MFAP5: variants seen among roughly 807,000 people sequenced by gnomAD.
The protein encoded by MFAP5 is microfibrillar-associated protein 5.
A neutral mutation model predicts 30.1 loss-of-function variants in MFAP5; 19 were observed. That is an observed-to-expected ratio of 0.63 (90% CI 0.44 to 0.93). The LOEUF is 0.93. Ranked by LOEUF, MFAP5 falls within the 40% of genes least tolerant of loss-of-function variation. The probability of loss-of-function intolerance (pLI) is 0.00; values close to 1 mark genes in which losing one functional copy is unlikely to be tolerated. For synonymous variants in MFAP5, 92 were observed against 72.9 expected (o/e 1.26, Z -1.33); for missense variants, 210 against 221.3 (o/e 0.95, Z 0.32).
At position 8,650,542 on chromosome 12, in the gene MFAP5, G is replaced by T. The variant is rs376156013; in HGVS notation, c.295C>A (p.Arg99=). The T allele has an allele frequency of 6.2e-7, 1 of 1,613,952 alleles. No individual in the cohort carries two copies. Among genetic ancestry groups the T allele is most frequent in the Non-Finnish European group, 8.5e-7 (1 of 1,180,016 alleles). The part of the protein sequence containing the change: ...FTCTRLYSVH[R]PVKQCIHQLC... ...TGATGAATGCATTGTTTAACCGGCC[G>T]ATGCACAGAGTAGAGCCTTGTGCAG... is the stretch of plus-strand genomic sequence containing the variant. The change falls in exon 8 of 10, where the codon CGG becomes AGG. Residue 99 remains arginine (R), a synonymous_variant. Transcript: ENST00000359478.
At chr12:8,656,695 C>T (rs1404387188) in intron 3 of MFAP5, among the ~76,000 whole-genome samples, 1 of 142,672 alleles carries the variant, frequency 7.0e-6, no homozygotes, top group Non-Finnish European at 1.5e-5. Context: ...CAGAGTCTGG[C>T]TCTGTCTGTC....
At position 8,660,910 on chromosome 12, in the gene MFAP5, G is replaced by C. The variant is rs1420460442; in HGVS notation, c.59-12C>G. ...CAGGGGTATCCAGTCTATAGCAAAGGAAGAGAAAAGAGATGTGAGTGACTG... is the reference window on the plus strand; with the variant it reads ...CAGGGGTATCCAGTCTATAGCAAAGCAAGAGAAAAGAGATGTGAGTGACTG... On this transcript the variant is annotated splice_polypyrimidine_tract_variant and intron_variant, in intron 2 of 9. Transcript: ENST00000359478. 6.2e-7 allele frequency: 1 copy of C among 1,608,298 alleles called. No homozygotes were observed. Among genetic ancestry groups the C allele is most frequent in the Non-Finnish European group, 8.5e-7 (1 of 1,175,494 alleles).
At chr12:8,649,892 T>C (rs2136460487) in intron 8 of MFAP5, among the ~76,000 whole-genome samples, 1 of 152,314 alleles carries the variant, frequency 6.6e-6, no homozygotes, top group East Asian at 1.9e-4. Context: ...CCAAGCAGTG[T>C]ACACCGTACC....
intron 3 of MFAP5, 39 bp downstream of exon 3, chr12:8,660,824 A>G (rs761664563): frequency 6.3e-7 from 1 of 1,578,900 alleles, no homozygotes; most frequent in Admixed American, 1.8e-5. Flanking sequence ...TTTTCCTGAT[A>G]AGAACCCCAA....
At chr12:8,650,648 G>T in intron 7 of MFAP5, 59 bp from the exon 8 acceptor site, 1 of 1,433,466 alleles carries the variant, frequency 7.0e-7, no homozygotes, top group Non-Finnish European at 9.8e-7. Context: ...ATAAATGAAG[G>T]ATTGAAGGAA....
chr12:8,648,077 C>T lies in MFAP5; in HGVS notation c.*14G>A, dbSNP rs373632449. ...TCACCCATACATTTTTTCTTCTTTC[C>T]TCTTTTTCAATGATCACAGACCATT... On this transcript the variant is annotated 3_prime_UTR_variant, in exon 10 of 10. Coordinates refer to ENST00000359478, the MANE Select transcript of MFAP5 (RefSeq NM_003480.4). 1.9e-6 allele frequency: 3 copies of T among 1,593,954 alleles called. No individual in the cohort carries two copies. Among genetic ancestry groups the T allele is most frequent in the Non-Finnish European group, 1.7e-6 (2 of 1,164,380 alleles).
Position 8,647,122 on chromosome 12 carries a change from TTA to T in MFAP5, c.*967_*968del, listed in dbSNP as rs1258978098. 5.3e-5 allele frequency: 8 copies of T among 152,224 alleles called. No individual in the cohort carries two copies. Among genetic ancestry groups the T allele is most frequent in the African/African-American group, 1.9e-4 (8 of 41,466 alleles). The allele number at this position is 152,224 out of a possible 1,614,324, so 9.4% of individuals were successfully genotyped here. A position where few individuals can be genotyped will look rare whatever the true frequency, so the allele number is the denominator to read the frequency against. Reference sequence around the variant, plus strand: ...ATTAGGCAAACTTTCTGTCTGCCTATTAAAATTCAAGTCTGAATGCCCTTCTT... The same window carrying T: ...ATTAGGCAAACTTTCTGTCTGCCTATAAATTCAAGTCTGAATGCCCTTCTT... On this transcript the variant is annotated 3_prime_UTR_variant, in exon 10 of 10. Coordinates refer to ENST00000359478, the MANE Select transcript of MFAP5 (RefSeq NM_003480.4).
At chr12:8,651,618 G>A (rs1246194339) in intron 7 of MFAP5, 44 bp downstream of exon 7, 1 of 1,597,586 alleles carries the variant, frequency 6.3e-7, no homozygotes, top group African/African-American at 1.3e-5. Context: ...GGAATCCACA[G>A]GAAGAAAAAA....
At chr12:8,660,205 T>G (rs1942109769) in intron 3 of MFAP5, among the ~76,000 whole-genome samples, 3 of 151,714 alleles carry the variant, frequency 2.0e-5, no homozygotes, top group Admixed American at 2.0e-4. Context: ...TTTTTTTTTT[T>G]TTTTAGTCAG....
intron 3 of MFAP5, among the ~76,000 whole-genome samples, chr12:8,659,240 G>A (rs1942083008): frequency 2.0e-5 from 3 of 151,926 alleles, no homozygotes; most frequent in African/African-American, 7.2e-5. Flanking sequence ...CTTGGGAGAT[G>A]GAGGTTGCAG....
intron 7 of MFAP5, 73 bp downstream of exon 7, chr12:8,651,589 C>T: frequency 6.8e-7 from 1 of 1,461,428 alleles, no homozygotes; most frequent in Non-Finnish European, 9.6e-7. Flanking sequence ...CAAGTACCCT[C>T]CAAAGAACAA....
chr12:8,656,209 C>T (rs578108191), intron 3 of MFAP5, among the ~76,000 whole-genome samples: 61 of 150,258 alleles, frequency 4.1e-4, no homozygotes, highest in Non-Finnish European at 7.7e-4. Context: ...TACAGGCGCC[C>T]GCCACAGCGC....
rs1174790172 is a variant in MFAP5 at position 8,656,668 on chromosome 12, A to ATATAT, written c.95-839_95-838insATATA. On this transcript the variant is annotated intron_variant, in intron 3 of 9. Transcript: ENST00000359478. Reference sequence around the variant, plus strand: ...CACACACATATATATATATATATATATTTTTTTTTTTTGAGACAGAGTCTG... The same window carrying ATATAT: ...CACACACATATATATATATATATATATATATTTTTTTTTTTTTGAGACAGAGTCTG... Among the ~76,000 whole-genome samples, 70 of 118,784 alleles carry ATATAT rather than the reference A, an allele frequency of 5.9e-4. 1 individual carries two copies. The highest frequency in any genetic ancestry group is 2.3e-3 in the African/African-American group (64 of 28,306). 77.9% of individuals were successfully genotyped at this position (118,784 alleles called of 152,430 possible). A position where few individuals can be genotyped will look rare whatever the true frequency, so the allele number is the denominator to read the frequency against.
rs1185915247 is a variant in MFAP5 at position 8,646,370 on chromosome 12, T to C, written c.*1721A>G. On this transcript the variant is annotated 3_prime_UTR_variant, in exon 10 of 10. Coordinates refer to ENST00000359478, the MANE Select transcript of MFAP5 (RefSeq NM_003480.4). ...CTCCACTGTCATATATAACTTGTTG[T>C]CTCCTAGCTCCTATTTGAATTCCAT... is the stretch of plus-strand genomic sequence containing the variant. 2 of 152,182 alleles carry C rather than the reference T, an allele frequency of 1.3e-5. No homozygotes were observed. Among genetic ancestry groups the C allele is most frequent in the Admixed American group, 1.3e-4 (2 of 15,270 alleles). The allele number at this position is 152,182 out of a possible 1,614,324, so 9.4% of individuals were successfully genotyped here.
In MFAP5 at chr12:8,648,117, C is replaced by T; in HGVS notation, c.496G>A (p.Asp166Asn). 1 of 1,613,916 alleles carries T rather than the reference C, an allele frequency of 6.2e-7. No individual in the cohort carries two copies. Among genetic ancestry groups the T allele is most frequent in the Non-Finnish European group, 8.5e-7 (1 of 1,179,868 alleles). Residue 166 changes from aspartate (D) to asparagine (N), a missense_variant, in exon 10 of 10, where the codon GAT becomes AAT. Transcript: ENST00000359478. ...CACAGACCATTGGGTCTCTGCAAAT[C>T]CACATTTTCACAGGGAGGAAGTCGG... is the stretch of plus-strand genomic sequence containing the variant. ...YFRLPPCENV[D>N]LQRPNGL
chr12:8,657,746 A>G (rs991909521), intron 3 of MFAP5, among the ~76,000 whole-genome samples: 8 of 150,718 alleles, frequency 5.3e-5, no homozygotes, highest in Non-Finnish European at 7.4e-5. Context: ...TAGTTTTTGT[A>G]TTTTTAGTAG....
At chr12:8,651,712 T>C (rs769322085) in intron 6 of MFAP5, 21 bp from the exon 7 acceptor site, 1 of 1,610,950 alleles carries the variant, frequency 6.2e-7, no homozygotes. Context: ...GAAATTTTAT[T>C]CCACTGTTAC....
chr12:8,648,513 G>T (rs1316020877), intron 9 of MFAP5: 1 of 1,293,660 alleles, frequency 7.7e-7, no homozygotes, highest in South Asian at 1.2e-5. Flanking sequence ...GTAAATGTTA[G>T]TTTCCTTTAT....
intron 3 of MFAP5, among the ~76,000 whole-genome samples, chr12:8,659,308 CG>C (rs1942085137): frequency 6.9e-6 from 1 of 144,678 alleles, no homozygotes; most frequent in African/African-American, 2.6e-5. Context: ...AACTCTGTCT[CG>C]AAAAAAAAAA....
Sources: allele counts gnomAD v4.1 joint callset (sites outside exome capture counted in the v4.1 genomes callset), GRCh38; gene constraint gnomAD v4.1.1; transcripts MANE v1.5; gene names NCBI Gene and HGNC (gene_info 2026-07-23, HGNC 2026-07-21).